CNTNAP2: variants seen among roughly 807,000 people sequenced by gnomAD.
CNTNAP2 encodes contactin-associated protein-like 2.
In CNTNAP2, 98 loss-of-function variants were observed where a neutral mutation model predicts 155.2. The ratio of observed to expected loss-of-function variants is 0.63; its 90% CI spans 0.54 to 0.75. The LOEUF is 0.75. Ranked by LOEUF, CNTNAP2 falls within the 30% of genes least tolerant of loss-of-function variation. The pLI is 0.00. For missense variants in CNTNAP2, 1,727 were observed against 1,688.1 expected, an observed-to-expected ratio of 1.02 and a Z score of -0.40; for synonymous variants, 651 against 631.2, an observed-to-expected ratio of 1.03 and a Z score of -0.47.
intron 13 of CNTNAP2, among the ~76,000 whole-genome samples, chr7:147,833,632 C>T (rs1017561282): frequency 1.3e-5 from 2 of 152,142 alleles, no homozygotes; most frequent in Non-Finnish European, 2.9e-5. Flanking sequence ...CAGCAGCCTC[C>T]GGTATCTATT....
chr7:147,014,215 G>A (rs891248410), intron 3 of CNTNAP2, among the ~76,000 whole-genome samples: 57 of 152,042 alleles, frequency 3.7e-4, no homozygotes, highest in African/African-American at 1.3e-3. Context: ...TTTCTCAGCA[G>A]GAATTAAAAT....
intron 23 of CNTNAP2, among the ~76,000 whole-genome samples, chr7:148,412,004 C>G (rs1181142949): frequency 6.6e-6 from 1 of 151,956 alleles, no homozygotes; most frequent in African/African-American, 2.4e-5. Context: ...AGTACAGTGG[C>G]GCGATCTCGG....
Position 147,614,705 on chromosome 7 carries a change from T to G in CNTNAP2, c.1898-24401T>G, listed in dbSNP as rs189165289. 2.0e-5 allele frequency among the ~76,000 whole-genome samples: 3 copies of G among 151,806 alleles called. No individual in the cohort carries two copies. The East Asian group carries it at 5.8e-4, about 29-fold the overall frequency. ...CAGTGATTATAAGCATTTCTCTTTC[T>G]GATGAAAAAAAAAGATTCTAATATT... On this transcript the variant is annotated intron_variant, in intron 12 of 23. Coordinates refer to ENST00000361727, the MANE Select transcript of CNTNAP2 (RefSeq NM_014141.6).
intron 1 of CNTNAP2, among the ~76,000 whole-genome samples, chr7:146,297,177 T>C (rs1444930936): frequency 6.6e-6 from 1 of 152,146 alleles, no homozygotes; most frequent in Non-Finnish European, 1.5e-5. Flanking sequence ...CCAATACTTA[T>C]AGATGATATA....
chr7:147,572,590 G>A (rs1269320669), intron 12 of CNTNAP2, among the ~76,000 whole-genome samples: 4 of 151,844 alleles, frequency 2.6e-5, no homozygotes, highest in Non-Finnish European at 5.9e-5. Context: ...CAAAATCCGA[G>A]AAAGACTTCA....
In CNTNAP2 at chr7:147,527,015, CTTTTTTTTTT is replaced by C. The variant is rs888976222; in HGVS notation, c.1778-35105_1778-35096del. 1.5e-3 allele frequency among the ~76,000 whole-genome samples: 95 copies of C among 65,172 alleles called. 1 individual carries two copies. The highest frequency in any genetic ancestry group is 7.2e-3 in the African/African-American group (92 of 12,772). 42.8% of individuals were successfully genotyped at this position (65,172 alleles called of 152,430 possible). On this transcript the variant is annotated intron_variant, in intron 11 of 23. Transcript: ENST00000361727. ...CATGAATTATGGAAGACAGGCATTT[CTTTTTTTTTT>C]TTTTTTTTTTTTTTTTTGATGGAGT...
intron 10 of CNTNAP2, among the ~76,000 whole-genome samples, chr7:147,402,376 C>T (rs826659): frequency 0.13 from 19,390 of 152,202 alleles, 1,501 homozygotes; most frequent in East Asian, 0.32. Context: ...CCCTGCCACC[C>T]ACTGTCATGA....
intron 1 of CNTNAP2, among the ~76,000 whole-genome samples, chr7:146,650,881 T>A (rs978048011): frequency 2.6e-5 from 4 of 152,228 alleles, no homozygotes; most frequent in Non-Finnish European, 5.9e-5. Flanking sequence ...AACAGCCAGA[T>A]GGACTGGTAG....
rs1056626067 is a variant in CNTNAP2, at chr7:146,469,143, A to C, written c.98-305128A>C. ...CAGGAAGATCTGCTGTCCCAGTTGC[A>C]GGAAGTGCTGGAGGTGAGCTGCCTT... On this transcript the variant is annotated intron_variant, in intron 1 of 23. Transcript: ENST00000361727. Among the ~76,000 whole-genome samples, 103 of 152,212 alleles carry C rather than the reference A, an allele frequency of 6.8e-4. 6 individuals are homozygous for C. Among genetic ancestry groups the C allele is most frequent in the Non-Finnish European group, 2.9e-5 (2 of 68,030 alleles).
At chr7:146,836,375 T>A (rs1303701762) in intron 2 of CNTNAP2, among the ~76,000 whole-genome samples, 1 of 152,208 alleles carries the variant, frequency 6.6e-6, no homozygotes, top group Admixed American at 6.5e-5. Flanking sequence ...CTGCTCTTCA[T>A]ACTATAATAG....
chr7:146,635,383 A>C (rs78163636), intron 1 of CNTNAP2, among the ~76,000 whole-genome samples: 2,907 of 152,270 alleles, frequency 0.019, 45 homozygotes, highest in Non-Finnish European at 0.033. Context: ...ATGCTATGCT[A>C]GTAACAGGAG....
At chr7:147,519,739 C>A (rs1382912131) in intron 11 of CNTNAP2, among the ~76,000 whole-genome samples, 1 of 152,162 alleles carries the variant, frequency 6.6e-6, no homozygotes, top group Non-Finnish European at 1.5e-5. Context: ...TGGTGGTGTG[C>A]CTGTCATCCC....
intron 13 of CNTNAP2, among the ~76,000 whole-genome samples, chr7:147,864,627 T>C (rs576857424): frequency 6.6e-6 from 1 of 152,344 alleles, no homozygotes; most frequent in South Asian, 2.1e-4. Flanking sequence ...GTAGTTCTCC[T>C]TGAAGAGGTC....
At chr7:146,374,172 GTA>G (rs1206428939) in intron 1 of CNTNAP2, among the ~76,000 whole-genome samples, 1 of 151,744 alleles carries the variant, frequency 6.6e-6, no homozygotes, top group Non-Finnish European at 1.5e-5. Flanking sequence ...TTTTAAAGTT[GTA>G]TATGTGATTA....
chr7:148,244,277 G>A (rs1310814464), intron 20 of CNTNAP2, among the ~76,000 whole-genome samples: 2 of 152,284 alleles, frequency 1.3e-5, no homozygotes, highest in African/African-American at 4.8e-5. Context: ...AGCAAACTTA[G>A]CTGCTTATGT....
chr7:146,200,521 GACAC>G lies in CNTNAP2; in HGVS notation c.97+83566_97+83569del, dbSNP rs1222453977. Among the ~76,000 whole-genome samples, 5 of 72,380 alleles carry G rather than the reference GACAC, an allele frequency of 6.9e-5. No homozygotes were observed. The East Asian group carries it at 1.7e-3, about 25-fold the overall frequency. 47.5% of individuals were successfully genotyped at this position (72,380 alleles called of 152,430 possible). A position where few individuals can be genotyped will look rare whatever the true frequency, so the allele number is the denominator to read the frequency against. On this transcript the variant is annotated intron_variant, in intron 1 of 23. Transcript: ENST00000361727. ...ATATATATATATATACACACACACA[GACAC>G]ACACACACACACACACATATATATA...
chr7:147,351,206 T>C (rs1429861478), intron 9 of CNTNAP2, among the ~76,000 whole-genome samples: 1 of 151,868 alleles, frequency 6.6e-6, no homozygotes, highest in Non-Finnish European at 1.5e-5. Flanking sequence ...AGCCCTGATA[T>C]ATACTAATTT....
At chr7:147,670,722 C>T (rs541348276) in intron 13 of CNTNAP2, among the ~76,000 whole-genome samples, 59 of 152,286 alleles carry the variant, frequency 3.9e-4, no homozygotes, top group African/African-American at 1.1e-3. Flanking sequence ...CTTCCATTGG[C>T]GGTAAAATCC....
At chr7:147,459,806 A>T (rs564811930) in intron 10 of CNTNAP2, among the ~76,000 whole-genome samples, 1 of 152,210 alleles carries the variant, frequency 6.6e-6, no homozygotes. Flanking sequence ...GAAATTTGTT[A>T]CAGAAACAGT....
Sources: allele counts gnomAD v4.1 joint callset (sites outside exome capture counted in the v4.1 genomes callset), GRCh38; gene constraint gnomAD v4.1.1; transcripts MANE v1.5; gene names NCBI Gene and HGNC (gene_info 2026-07-23, HGNC 2026-07-21).